DET1: variants seen among roughly 807,000 people sequenced by gnomAD.
DET1 encodes the protein DET1 partner of COP1 E3 ubiquitin ligase, also known as DET1 homolog.
In DET1, 22 loss-of-function variants were observed where a neutral mutation model predicts 43.7. The observed-to-expected ratio is 0.50, with a 90% CI of 0.36 to 0.72. The LOEUF (loss-of-function observed/expected upper bound fraction) is 0.72. Among genes scored for constraint, DET1 ranks in the 30% least tolerant of loss-of-function variants. The pLI is 0.00. For missense variants in DET1, 713 were observed against 713.3 expected (o/e 1.00, Z 0.00); for synonymous variants, 315 against 266.2 (o/e 1.18, Z -1.79).
At position 88,531,062 on chromosome 15, in the gene DET1, A is replaced by G; in HGVS notation, c.644T>C (p.Val215Ala). The part of the protein sequence containing the change: ...DTRTFKCDKV[V>A]LSHNQGLYLY... ...GTACAGCCCTTGGTTGTGTGACAAG[A>G]CCACCTTGTCACACTTGAACGTGCG... The change falls in exon 2 of 5, where the codon GTC becomes GCC. Residue 215 changes from valine (V) to alanine (A), a missense_variant. Transcript: ENST00000268148. This position sits in a 1 kb window ranked among gnomAD's most constrained non-coding sequence, Gnocchi z 6.2. 1 of 1,613,908 alleles carries G rather than the reference A, an allele frequency of 6.2e-7. No homozygotes were observed. Among genetic ancestry groups the G allele is most frequent in the Non-Finnish European group, 8.5e-7 (1 of 1,179,852 alleles).
chr15:88,524,814 A>G (rs1269224483), intron 3 of DET1, among the ~76,000 whole-genome samples: 1 of 152,158 alleles, frequency 6.6e-6, no homozygotes, highest in Non-Finnish European at 1.5e-5. Context: ...AACACTGCGG[A>G]AGGCCACAGG....
chr15:88,536,151 A>C (rs545402503), intron 1 of DET1, among the ~76,000 whole-genome samples: 21 of 152,352 alleles, frequency 1.4e-4, no homozygotes, highest in African/African-American at 4.3e-4. Context: ...AACATTATTT[A>C]AGTGCTGAAA....
At position 88,504,177 on chromosome 15, in the gene DET1, A is replaced by G. The variant is rs925073832; in HGVS notation, c.*2066-190T>C. ...CACATGGCTATCAGCAGGAAGCCTC[A>G]GTTCCTCAGCAAGGAGATCTCTCCA... On this transcript the variant is annotated intron_variant and NMD_transcript_variant, in intron 7 of 8. Coordinates refer to the DET1 transcript ENST00000557842. The surrounding 1 kb of genome is among the most constrained non-coding windows in gnomAD (Gnocchi z 4.7). The G allele has an allele frequency of 6.6e-6, 1 of 152,106 alleles. No individual in the cohort carries two copies. Among genetic ancestry groups the G allele is most frequent in the South Asian group, 2.1e-4 (1 of 4,818 alleles). 9.4% of individuals were successfully genotyped at this position (152,106 alleles called of 1,614,324 possible).
chr15:88,534,895 G>A (rs879478591), intron 1 of DET1, among the ~76,000 whole-genome samples: 3 of 152,106 alleles, frequency 2.0e-5, no homozygotes, highest in Admixed American at 2.0e-4. Context: ...AAAATGTCTA[G>A]GAAACAATCC....
At chr15:88,544,404 G>C (rs2057192300) in intron 1 of DET1, among the ~76,000 whole-genome samples, 1 of 152,158 alleles carries the variant, frequency 6.6e-6, no homozygotes, top group African/African-American at 2.4e-5. Flanking sequence ...CGCCTATCTT[G>C]CTTAAGCTAA....
chr15:88,523,930 C>T (rs1370002344), intron 3 of DET1, among the ~76,000 whole-genome samples: 11 of 150,768 alleles, frequency 7.3e-5, no homozygotes, highest in South Asian at 4.2e-4. Flanking sequence ...CCCCTCTGCC[C>T]GGCTGCCCAG....
intron 4 of DET1, among the ~76,000 whole-genome samples, chr15:88,515,913 G>A (rs1040202362): frequency 3.3e-5 from 5 of 151,946 alleles, no homozygotes; most frequent in Admixed American, 1.3e-4. Context: ...TTTTGTATAC[G>A]TTTAAAACTT....
chr15:88,526,245 C>T (rs746558164), intron 3 of DET1, among the ~76,000 whole-genome samples: 6 of 152,184 alleles, frequency 3.9e-5, no homozygotes, highest in Non-Finnish European at 7.3e-5. Flanking sequence ...TTCCCAGTGG[C>T]AGTAATGCTT....
chr15:88,515,777 C>A (rs1751499768), intron 4 of DET1, among the ~76,000 whole-genome samples: 1 of 151,618 alleles, frequency 6.6e-6, no homozygotes, highest in Non-Finnish European at 1.5e-5. Context: ...TAAAATAACC[C>A]AGGACAGTGG....
chr15:88,526,607 G>T (rs2056670002), intron 3 of DET1, among the ~76,000 whole-genome samples: 1 of 152,100 alleles, frequency 6.6e-6, no homozygotes, highest in South Asian at 2.1e-4. Context: ...CCTCCTGCCT[G>T]GAGAGTACAA....
At chr15:88,503,041 A>C (rs1470184235) in intron 8 of DET1, 1 of 152,352 alleles carries the variant, frequency 6.6e-6, no homozygotes, top group Non-Finnish European at 1.5e-5. Flanking sequence ...AGGCAGGTGG[A>C]TCACTTGAGG....
intron 4 of DET1, 79 bp from the exon 5 acceptor site, chr15:88,513,219 G>A: frequency 7.1e-7 from 1 of 1,405,516 alleles, no homozygotes; most frequent in South Asian, 1.4e-5. Flanking sequence ...TAGACAGCAG[G>A]GGAATGTGGC....
intron 3 of DET1, among the ~76,000 whole-genome samples, chr15:88,523,777 C>T (rs1314525091): frequency 6.6e-6 from 1 of 152,220 alleles, no homozygotes; most frequent in Non-Finnish European, 1.5e-5. Context: ...GTGGCGTGAT[C>T]TCCGCTCGCT....
At position 88,539,448 on chromosome 15, in the gene DET1, TAAAAAAAAAAAA is replaced by T. The variant is rs34945813; in HGVS notation, c.-11+7080_-11+7091del. ...ACGGGAGGGCCCCCCCTTGTCTGTC[TAAAAAAAAAAAA>T]AAAAAAAAAAAGGAAAAAACTGTCA... On this transcript the variant is annotated intron_variant, in intron 1 of 4. Transcript: ENST00000268148. 5.2e-5 allele frequency among the ~76,000 whole-genome samples: 5 copies of T among 96,484 alleles called. No individual in the cohort carries two copies. The East Asian group carries it at 8.8e-4, about 17-fold the overall frequency. The allele number at this position is 96,484 out of a possible 152,430, so 63.3% of individuals were successfully genotyped here.
chr15:88,520,460 C>T (rs1278164983), intron 3 of DET1, among the ~76,000 whole-genome samples: 3 of 152,220 alleles, frequency 2.0e-5, no homozygotes, highest in Non-Finnish European at 4.4e-5. Context: ...TTGTACTTGA[C>T]TCGTCAGGTG....
At chr15:88,542,345 A>G (rs541040806) in intron 1 of DET1, among the ~76,000 whole-genome samples, 2 of 152,252 alleles carry the variant, frequency 1.3e-5, no homozygotes, top group East Asian at 3.9e-4. Context: ...TTTCACTGGT[A>G]TCTCCTCACG....
At chr15:88,517,954 T>A (rs922670169) in intron 3 of DET1, among the ~76,000 whole-genome samples, 1 of 152,182 alleles carries the variant, frequency 6.6e-6, no homozygotes, top group African/African-American at 2.4e-5. Context: ...TTTTATTTTT[T>A]GAGACAGGGT....
At chr15:88,507,809 T>A (rs79586073), downstream of DET1, among the ~76,000 whole-genome samples, 1,072 of 152,310 alleles carry the variant, frequency 7.0e-3, 12 homozygotes, top group African/African-American at 0.023. Flanking sequence ...ATAGATGACA[T>A]GGCTGATTAC....
In DET1 at chr15:88,527,770, A is replaced by G. The variant is rs769807161; in HGVS notation, c.1100T>C (p.Val367Ala). The change falls in exon 3 of 5, where the codon GTG (valine) becomes GCG (alanine). Residue 367 changes from valine (V) to alanine (A), a missense_variant. Coordinates refer to ENST00000268148, the MANE Select transcript of DET1 (RefSeq NM_001144074.3). ...CACCTCTGTCGTCACCATATTGTAC[A>G]CCACAAAGAAAGATGCCTGCAGAAG... ...TDPSQASFFV[V>A]YNMVTTEVIA... 2 of 1,593,948 alleles carry G rather than the reference A, an allele frequency of 1.3e-6. No homozygotes were observed. Among genetic ancestry groups the G allele is most frequent in the Non-Finnish European group, 1.7e-6 (2 of 1,168,932 alleles).
Sources: allele counts gnomAD v4.1 joint callset (sites outside exome capture counted in the v4.1 genomes callset), GRCh38; gene constraint gnomAD v4.1.1; non-coding constraint Gnocchi (gnomAD v3.1); transcripts MANE v1.5; gene names NCBI Gene and HGNC (gene_info 2026-07-23, HGNC 2026-07-21).